The following ANXA8 variants were observed in gnomAD, a reference collection of about 807,000 sequenced individuals.
The protein encoded by ANXA8 is VAC-beta.
Under a neutral mutation model 26.8 loss-of-function variants are expected in ANXA8, and 9 were observed. That is an observed-to-expected ratio of 0.34 (90% CI 0.20 to 0.59). The LOEUF (loss-of-function observed/expected upper bound fraction) is 0.59, where lower values mean the gene tolerates loss of function less well. ANXA8 is among the 20% of genes least tolerant of loss of function. ANXA8 has a pLI of 0.84. For missense variants in ANXA8, 83 were observed against 238.5 expected (o/e 0.35, Z 4.29); for synonymous variants, 39 against 94.8 (o/e 0.41, Z 3.42).
the ANXA8 span, among the ~76,000 whole-genome samples, chr10:47,658,176 TG>T: frequency 6.6e-6 from 1 of 151,812 alleles, no homozygotes; most frequent in African/African-American, 2.4e-5. Flanking sequence ...GAGACCATCC[TG>T]GCTAACATGG....
the ANXA8 span, chr10:47,986,961 C>A: frequency 1.9e-6 from 1 of 521,264 alleles, no homozygotes; most frequent in African/African-American, 1.9e-5. Context: ...GACGCGACCT[C>A]GTCCAAGATC....
the ANXA8 span, among the ~76,000 whole-genome samples, chr10:47,547,434 A>G: frequency 7.7e-6 from 1 of 129,842 alleles, no homozygotes; most frequent in African/African-American, 2.8e-5. Flanking sequence ...GGATATACAT[A>G]TACATATACA....
At chr10:47,952,663 G>A in the ANXA8 span, among the ~76,000 whole-genome samples, 1 of 146,798 alleles carries the variant, frequency 6.8e-6, no homozygotes, top group South Asian at 2.1e-4. Context: ...CTACATGGAA[G>A]TACAAATAAT....
chr10:47,983,026 C>T, the ANXA8 span, among the ~76,000 whole-genome samples: 28,498 of 104,220 alleles, frequency 0.27, 5,302 homozygotes, highest in Non-Finnish European at 0.41. Flanking sequence ...CAAATAGAAC[C>T]GCAATAAGAT....
the ANXA8 span, among the ~76,000 whole-genome samples, chr10:47,958,975 G>C: frequency 4.7e-5 from 7 of 150,272 alleles, no homozygotes; most frequent in Non-Finnish European, 8.8e-5. Flanking sequence ...TGGGGACACA[G>C]CCAAATCATA....
At chr10:47,490,101 G>A in the ANXA8 span, among the ~76,000 whole-genome samples, 1 of 150,682 alleles carries the variant, frequency 6.6e-6, no homozygotes, top group African/African-American at 2.5e-5. Flanking sequence ...CCCCTCTCAG[G>A]ATGTGCTAGC....
the ANXA8 span, among the ~76,000 whole-genome samples, chr10:47,703,481 T>C: frequency 2.8e-4 from 42 of 150,448 alleles, 1 homozygote; most frequent in African/African-American, 9.8e-4. Context: ...GGTGGGAGGA[T>C]TGATTGATCC....
the ANXA8 span, among the ~76,000 whole-genome samples, chr10:47,515,698 A>G: frequency 2.9e-3 from 413 of 140,176 alleles, 26 homozygotes; most frequent in African/African-American, 0.01. Flanking sequence ...TTTCTTTGCT[A>G]ACTCTGCTTT....
chr10:47,579,924 T>G, the ANXA8 span, among the ~76,000 whole-genome samples: 1 of 144,730 alleles, frequency 6.9e-6, no homozygotes, highest in Non-Finnish European at 1.5e-5. Flanking sequence ...CAAAGCAAAC[T>G]AATAAAATTG....
chr10:47,481,964 C>T (rs199833668), intron 1 of ANXA8, among the ~76,000 whole-genome samples: 41 of 139,916 alleles, frequency 2.9e-4, no homozygotes, highest in Non-Finnish European at 3.6e-4. Flanking sequence ...GGAGCTGCCA[C>T]GCCTTGGCCT....
chr10:47,659,144 TACA>T, the ANXA8 span, among the ~76,000 whole-genome samples: 1 of 151,856 alleles, frequency 6.6e-6, no homozygotes, highest in African/African-American at 2.4e-5. Context: ...GTGCTGGGAT[TACA>T]GGTGTGAACC....
the ANXA8 span, among the ~76,000 whole-genome samples, chr10:47,693,434 C>T: frequency 6.6e-6 from 1 of 151,522 alleles, no homozygotes; most frequent in African/African-American, 2.4e-5. Flanking sequence ...GGACTACAGG[C>T]GCCTGCCACC....
chr10:47,532,856 TG>T, the ANXA8 span, among the ~76,000 whole-genome samples: 1 of 32,314 alleles, frequency 3.1e-5, no homozygotes, highest in Admixed American at 3.4e-4. Flanking sequence ...CTAGAGAACC[TG>T]GAAATTTCCA....
chr10:47,696,804 C>A, the ANXA8 span, among the ~76,000 whole-genome samples: 1 of 149,138 alleles, frequency 6.7e-6, no homozygotes, highest in Non-Finnish European at 1.5e-5. Flanking sequence ...ATCTATAGAC[C>A]ATTTCTCCAG....
At chr10:47,526,207 T>C in the ANXA8 span, among the ~76,000 whole-genome samples, 1 of 128,212 alleles carries the variant, frequency 7.8e-6, no homozygotes, top group Admixed American at 7.9e-5. Flanking sequence ...CAAGTGATTC[T>C]CATTCAAGTG....
chr10:47,659,822 T>A, the ANXA8 span, among the ~76,000 whole-genome samples: 2 of 151,366 alleles, frequency 1.3e-5, no homozygotes, highest in African/African-American at 4.9e-5. Flanking sequence ...AGTGATGTGA[T>A]CTCTGCTCAC....
At chr10:47,592,520 G>A in the ANXA8 span, among the ~76,000 whole-genome samples, 1 of 149,408 alleles carries the variant, frequency 6.7e-6, no homozygotes, top group Non-Finnish European at 1.5e-5. Flanking sequence ...CAGAGCTCAT[G>A]CCTGGTCACG....
At chr10:47,756,613 C>A in the ANXA8 span, among the ~76,000 whole-genome samples, 3 of 152,192 alleles carry the variant, frequency 2.0e-5, no homozygotes, top group African/African-American at 7.2e-5. Flanking sequence ...GTCAGAGTCA[C>A]AGTGGAAGGT....
At chr10:47,979,126 T>C in the ANXA8 span, among the ~76,000 whole-genome samples, 1 of 150,822 alleles carries the variant, frequency 6.6e-6, no homozygotes, top group Non-Finnish European at 1.5e-5. Context: ...TAAGAAGACA[T>C]GGCAATTAAG....
Sources: gnomAD v4.1 joint callset for allele counts (sites outside exome capture counted in the v4.1 genomes callset) on GRCh38, gnomAD v4.1.1 for gene constraint, MANE v1.5 for transcripts, NCBI Gene and HGNC (gene_info 2026-07-23, HGNC 2026-07-21) for gene names.